NBAS: variants seen among roughly 807,000 people sequenced by gnomAD.
The protein encoded by NBAS is NBAS subunit of NRZ tethering complex, also known as NAG/BC035112 fusion.
In NBAS, 219 loss-of-function variants were observed where a neutral mutation model predicts 302.5. The ratio of observed to expected loss-of-function variants is 0.72; its 90% CI spans 0.65 to 0.81. NBAS has a LOEUF of 0.81. NBAS is among the 30% of genes least tolerant of loss of function. The pLI is 0.00. For missense variants in NBAS, 2,932 were observed against 2,841.6 expected (o/e 1.03, Z -0.72); for synonymous variants, 1,118 against 1,021.6 (o/e 1.09, Z -1.80).
intron 22 of NBAS, among the ~76,000 whole-genome samples, chr2:15,426,172 ATAT>A (rs1476155596): frequency 6.6e-6 from 1 of 152,248 alleles, no homozygotes; most frequent in Admixed American, 6.5e-5. Flanking sequence ...ATAGCAAAAA[ATAT>A]TATCCTCCAA....
chr2:15,184,086 A>G (rs532332105), intron 50 of NBAS, among the ~76,000 whole-genome samples: 88 of 152,336 alleles, frequency 5.8e-4, no homozygotes, highest in Admixed American at 1.3e-3. Context: ...ATTCATCAGT[A>G]AAAAGAACAC....
chr2:14,934,074 G>A, the NBAS span, among the ~76,000 whole-genome samples: 1 of 152,078 alleles, frequency 6.6e-6, no homozygotes, highest in Admixed American at 6.6e-5. Context: ...GAAATCCTAA[G>A]ATCCAGCCAA....
the NBAS span, among the ~76,000 whole-genome samples, chr2:15,130,708 G>A: frequency 6.6e-6 from 1 of 152,204 alleles, no homozygotes; most frequent in Non-Finnish European, 1.5e-5. Flanking sequence ...ACATAGATGA[G>A]AGTCTTGTTA....
intron 29 of NBAS, among the ~76,000 whole-genome samples, chr2:15,381,972 A>G (rs58714775): frequency 0.013 from 1,996 of 152,346 alleles, 41 homozygotes; most frequent in African/African-American, 0.045. Context: ...GTATAAGAGC[A>G]AAGCGACACA....
chr2:15,456,642 C>G (rs1343989166), intron 21 of NBAS, among the ~76,000 whole-genome samples: 1 of 152,178 alleles, frequency 6.6e-6, no homozygotes. Flanking sequence ...AATATTCTAA[C>G]TGCAGGAGAT....
chr2:15,543,775 G>A (rs1160429881), intron 6 of NBAS, among the ~76,000 whole-genome samples: 3 of 152,254 alleles, frequency 2.0e-5, no homozygotes, highest in African/African-American at 7.2e-5. Context: ...ACACGTGGGA[G>A]TTATGGGAGT....
the NBAS span, among the ~76,000 whole-genome samples, chr2:14,993,524 C>T: frequency 0.07 from 10,588 of 152,228 alleles, 925 homozygotes; most frequent in African/African-American, 0.2. Flanking sequence ...CATACATTAA[C>T]GACAATCATT....
intron 25 of NBAS, among the ~76,000 whole-genome samples, chr2:15,409,551 G>C (rs778159354): frequency 1.3e-5 from 2 of 152,016 alleles, no homozygotes; most frequent in Non-Finnish European, 2.9e-5. Flanking sequence ...AAATTCTTTT[G>C]AATCCATCCA....
chr2:15,202,025 A>G (rs945566893), intron 48 of NBAS, among the ~76,000 whole-genome samples: 2 of 152,242 alleles, frequency 1.3e-5, no homozygotes, highest in Non-Finnish European at 2.9e-5. Flanking sequence ...TTTCAAAGGA[A>G]GAGTAGGAAA....
the NBAS span, among the ~76,000 whole-genome samples, chr2:15,098,816 C>T: frequency 2.0e-5 from 3 of 149,434 alleles, no homozygotes; most frequent in African/African-American, 7.4e-5. Context: ...AATATAGCAT[C>T]ACTCATTCAT....
chr2:15,061,765 G>A, the NBAS span, among the ~76,000 whole-genome samples: 1 of 152,214 alleles, frequency 6.6e-6, no homozygotes, highest in Non-Finnish European at 1.5e-5. Context: ...ATGTCAGTGT[G>A]TTCATGGGAA....
intron 22 of NBAS, among the ~76,000 whole-genome samples, chr2:15,425,106 TC>T (rs1447231918): frequency 2.6e-5 from 4 of 152,058 alleles, no homozygotes; most frequent in Admixed American, 2.0e-4. Flanking sequence ...GGATTGCTGA[TC>T]ATGAGGAGTT....
intron 41 of NBAS, among the ~76,000 whole-genome samples, chr2:15,288,517 G>C (rs946396869): frequency 2.6e-5 from 4 of 152,182 alleles, no homozygotes; most frequent in African/African-American, 9.7e-5. Context: ...CCTGCTAGGG[G>C]ACCTGCGTCT....
intron 35 of NBAS, among the ~76,000 whole-genome samples, chr2:15,338,877 G>A (rs1037972662): frequency 1.3e-5 from 2 of 152,102 alleles, no homozygotes; most frequent in Admixed American, 6.6e-5. Flanking sequence ...CCCAGGGATA[G>A]TGGCATGCGC....
At chr2:14,937,777 G>A in the NBAS span, among the ~76,000 whole-genome samples, 1 of 152,136 alleles carries the variant, frequency 6.6e-6, no homozygotes, top group Non-Finnish European at 1.5e-5. Flanking sequence ...TCAGAAGTGG[G>A]ATCTTGGGCA....
At position 15,474,268 on chromosome 2, in the gene NBAS, T is replaced by G; in HGVS notation, c.1398A>C (p.Glu466Asp). ...RSRLETRAGE[E>D]DEGEEDSDSD... ...AATCAGAATCCTCTTCTCCTTCATC[T>G]TCTTCTCCAGCTCTAGTCTCCAAAC... The change falls in exon 15 of 52, where the codon GAA becomes GAC. Residue 466 changes from glutamate (E) to aspartate (D), a missense_variant. Physicochemically the swap from Glu to Asp is conservative, Grantham distance 45 (BLOSUM62 2). Coordinates refer to ENST00000281513, the MANE Select transcript of NBAS (RefSeq NM_015909.4). 1 of 1,613,950 alleles carries G rather than the reference T, an allele frequency of 6.2e-7. No individual in the cohort carries two copies. Among genetic ancestry groups the G allele is most frequent in the South Asian group, 1.1e-5 (1 of 91,074 alleles).
intron 45 of NBAS, 122 bp downstream of exon 45, chr2:15,238,346 G>T: frequency 1.1e-6 from 1 of 951,542 alleles, no homozygotes; most frequent in Non-Finnish European, 1.6e-6. Context: ...AAGGCTTGCG[G>T]ACAATTTTCA....
the NBAS span, chr2:14,907,782 C>A: frequency 6.6e-6 from 1 of 152,330 alleles, no homozygotes; most frequent in East Asian, 1.9e-4. Flanking sequence ...TTGTAGCTGG[C>A]GAATGGAGTT....
chr2:15,007,300 T>G, the NBAS span, among the ~76,000 whole-genome samples: 1 of 152,364 alleles, frequency 6.6e-6, no homozygotes, highest in African/African-American at 2.4e-5. Flanking sequence ...CAGCAGTGGC[T>G]GCTGAGACTC....
Sources: allele counts gnomAD v4.1 joint callset (sites outside exome capture counted in the v4.1 genomes callset), GRCh38; gene constraint gnomAD v4.1.1; transcripts MANE v1.5; gene names NCBI Gene and HGNC (gene_info 2026-07-23, HGNC 2026-07-21).